Variants in SCUBE2 observed in about 807,000 individuals in gnomAD.
The protein encoded by SCUBE2 is signal peptide, CUB and EGF-like domain-containing protein 2.
A neutral mutation model predicts 125.9 loss-of-function variants in SCUBE2; 114 were observed. The observed-to-expected ratio is 0.91, with a 90% CI of 0.78 to 1.06. SCUBE2 has a LOEUF of 1.06. SCUBE2 is among the 50% of genes least tolerant of loss of function. The pLI is 0.00. For missense variants in SCUBE2, 1,255 were observed against 1,301.8 expected (o/e 0.96, Z 0.55); for synonymous variants, 459 against 492.9 (o/e 0.93, Z 0.91).
At chr11:9,080,469 T>C (rs1260915536) in intron 2 of SCUBE2, among the ~76,000 whole-genome samples, 1 of 152,016 alleles carries the variant, frequency 6.6e-6, no homozygotes, top group African/African-American at 2.4e-5. Flanking sequence ...GGCAACATAG[T>C]GAGACCCCCA....
intron 16 of SCUBE2, among the ~76,000 whole-genome samples, chr11:9,045,610 GAC>G (rs72142315): frequency 0.11 from 10,786 of 98,834 alleles, 411 homozygotes; most frequent in Middle Eastern, 0.23. Context: ...CAGACAGACA[GAC>G]ACACACACAC....
intron 7 of SCUBE2, among the ~76,000 whole-genome samples, chr11:9,062,574 G>C (rs1859785858): frequency 6.6e-6 from 1 of 152,148 alleles, no homozygotes; most frequent in African/African-American, 2.4e-5. Flanking sequence ...AACCAACGGG[G>C]AAAAAGAAAC....
intron 2 of SCUBE2, among the ~76,000 whole-genome samples, chr11:9,089,136 C>A (rs1361762657): frequency 6.6e-6 from 1 of 152,256 alleles, no homozygotes; most frequent in Admixed American, 6.5e-5. Flanking sequence ...AGACCTGCAG[C>A]TCTATGGGCT....
chr11:9,023,183 G>T (rs529007581), intron 21 of SCUBE2, among the ~76,000 whole-genome samples: 1 of 152,098 alleles, frequency 6.6e-6, no homozygotes, highest in Admixed American at 6.5e-5. Context: ...ATGCCTCTTT[G>T]TATGCATATC....
chr11:9,091,423 G>C lies in SCUBE2; in HGVS notation c.106C>G (p.Arg36Gly), dbSNP rs1403206141. ...TCCTGCGGCCCCGCGGCACGGCCCC[G>C]ACCCGGCGGGACGGCCCCCGCCAGC... ...LLLAGAVPPG[R>G]GRAAGPQEDV... The change falls in exon 1 of 23, where the codon CGG becomes GGG. Residue 36 changes from arginine (R) to glycine (G), a missense_variant. By Grantham distance (125) the Arg-to-Gly change is moderately radical. Coordinates refer to ENST00000649792, the MANE Select transcript of SCUBE2 (RefSeq NM_001367977.2). The surrounding 1 kb of genome is among the most constrained non-coding windows in gnomAD (Gnocchi z 8.5). The C allele has an allele frequency of 1.5e-6, 2 of 1,331,640 alleles. No homozygotes were observed. The highest frequency in any genetic ancestry group is 3.4e-5 in the Admixed American group (1 of 29,674). The allele number at this position is 1,331,640 out of a possible 1,614,324, so 82.5% of individuals were successfully genotyped here.
chr11:9,073,444 A>G (rs1478327747), intron 4 of SCUBE2, among the ~76,000 whole-genome samples: 2 of 152,214 alleles, frequency 1.3e-5, no homozygotes, highest in East Asian at 3.8e-4. Flanking sequence ...CCAAACAGGT[A>G]TTCTAGTTAA....
At chr11:9,072,723 C>A (rs1050738795) in intron 4 of SCUBE2, among the ~76,000 whole-genome samples, 5 of 152,190 alleles carry the variant, frequency 3.3e-5, no homozygotes, top group African/African-American at 1.2e-4. Context: ...TCACAGAGAG[C>A]ACTTCCAGAC....
At position 9,023,279 on chromosome 11, in the gene SCUBE2, T is replaced by C. The variant is rs564040421; in HGVS notation, c.2855-1324A>G. On this transcript the variant is annotated intron_variant, in intron 21 of 22. Transcript: ENST00000649792. ...TGAAAAGTTTCTCTCAGTTAAGGGATGGCAAATGGAAAGTAATGGTATAAT... is the reference window on the plus strand; with the variant it reads ...TGAAAAGTTTCTCTCAGTTAAGGGACGGCAAATGGAAAGTAATGGTATAAT... 7.9e-5 allele frequency among the ~76,000 whole-genome samples: 12 copies of C among 152,348 alleles called. No individual in the cohort carries two copies. In the South Asian group the frequency reaches 2.5e-3, roughly 32 times the overall value.
chr11:9,059,814 T>C (rs1859479702), intron 8 of SCUBE2: 1 of 170,796 alleles, frequency 5.9e-6, no homozygotes, highest in South Asian at 1.9e-4. Context: ...AGCATTTGTT[T>C]TGGCAAATTA....
In SCUBE2 at chr11:9,020,033, T is replaced by C. The variant is rs1855182132; in HGVS notation, c.*1012A>G. On this transcript the variant is annotated 3_prime_UTR_variant, in exon 23 of 23. Coordinates refer to ENST00000649792, the MANE Select transcript of SCUBE2 (RefSeq NM_001367977.2). Reference sequence around the variant, plus strand: ...ATGAGACCACCCTTCAAGGGGCTGCTCATGTCCACGGAGCAGAGTCCGTCT... The same window carrying C: ...ATGAGACCACCCTTCAAGGGGCTGCCCATGTCCACGGAGCAGAGTCCGTCT... 6.6e-6 allele frequency among the ~76,000 whole-genome samples: 1 copy of C among 152,186 alleles called. No homozygotes were observed. Among genetic ancestry groups the C allele is most frequent in the Admixed American group, 6.5e-5 (1 of 15,282 alleles).
chr11:9,048,076 C>T lies in SCUBE2; in HGVS notation c.1662G>A (p.Glu554=). The T allele has an allele frequency of 1.9e-6, 3 of 1,613,512 alleles. No homozygotes were observed. Among genetic ancestry groups the T allele is most frequent in the Non-Finnish European group, 2.5e-6 (3 of 1,179,840 alleles). Reference sequence around the variant, plus strand: ...ATGTAAGGTTTACGTAGCGGAAGCTCTCTTTTACTGAGCTGTGCTTCTCTG... The same window carrying T: ...ATGTAAGGTTTACGTAGCGGAAGCTTTCTTTTACTGAGCTGTGCTTCTCTG... The part of the protein sequence containing the change: ...ALPEKHSSVK[E]SFRYVNLTCS... Residue 554 remains glutamate, a synonymous_variant, in exon 15 of 23, where the codon GAG becomes GAA. Coordinates refer to ENST00000649792, the MANE Select transcript of SCUBE2 (RefSeq NM_001367977.2).
intron 19 of SCUBE2, among the ~76,000 whole-genome samples, chr11:9,029,253 C>T (rs868245565): frequency 2.7e-4 from 41 of 152,226 alleles, no homozygotes; most frequent in African/African-American, 8.9e-4. Context: ...AGCATCCATC[C>T]GAGGCTTTGC....
chr11:9,051,537 C>A (rs150678119), intron 13 of SCUBE2, among the ~76,000 whole-genome samples: 3 of 152,098 alleles, frequency 2.0e-5, no homozygotes, highest in Non-Finnish European at 4.4e-5. Flanking sequence ...ACTGTGAGAG[C>A]CTGATGTGCA....
At chr11:9,081,635 G>A (rs1464621519) in intron 2 of SCUBE2, among the ~76,000 whole-genome samples, 2 of 149,422 alleles carry the variant, frequency 1.3e-5, no homozygotes, top group Non-Finnish European at 3.0e-5. Flanking sequence ...GCCTGAGCAA[G>A]ATAGCAAGAT....
At chr11:9,078,366 G>A (rs1861366537) in intron 3 of SCUBE2, among the ~76,000 whole-genome samples, 1 of 152,212 alleles carries the variant, frequency 6.6e-6, no homozygotes, top group African/African-American at 2.4e-5. Context: ...AGTCCATCAG[G>A]ATGGAGCTCC....
At chr11:9,063,462 A>G (rs1196354707) in intron 7 of SCUBE2, among the ~76,000 whole-genome samples, 1 of 152,234 alleles carries the variant, frequency 6.6e-6, no homozygotes, top group Non-Finnish European at 1.5e-5. Context: ...ACAAAGGATC[A>G]AGAATAAAAA....
chr11:9,029,683 G>A (rs1194994059), intron 19 of SCUBE2, among the ~76,000 whole-genome samples: 4 of 152,202 alleles, frequency 2.6e-5, no homozygotes, highest in Non-Finnish European at 4.4e-5. Flanking sequence ...GAAGTAGCCA[G>A]GATCAATAAA....
chr11:9,065,816 T>A, intron 7 of SCUBE2, 75 bp downstream of exon 7: 1 of 1,301,342 alleles, frequency 7.7e-7, no homozygotes, highest in East Asian at 2.3e-5. Flanking sequence ...GCTCCCAAGT[T>A]CAGGTCTGAT....
intron 10 of SCUBE2, among the ~76,000 whole-genome samples, chr11:9,055,521 G>A (rs929112388): frequency 1.3e-5 from 2 of 152,162 alleles, no homozygotes; most frequent in South Asian, 2.1e-4. Flanking sequence ...GAATACAGCC[G>A]CAAGTCAATC....
Sources: gnomAD v4.1 joint callset for allele counts (sites outside exome capture counted in the v4.1 genomes callset) on GRCh38, gnomAD v4.1.1 for gene constraint, Gnocchi (gnomAD v3.1) non-coding constraint, MANE v1.5 for transcripts, NCBI Gene and HGNC (gene_info 2026-07-23, HGNC 2026-07-21) for gene names.